Variants in POLR1C observed in about 807,000 individuals in gnomAD.
POLR1C encodes RNA polymerase I and III subunit C.
POLR1C carries 42 observed loss-of-function variants against 38.3 expected under a neutral mutation model. That is an observed-to-expected ratio of 1.10 (90% CI 0.86 to 1.42). The LOEUF (loss-of-function observed/expected upper bound fraction) is 1.42, where lower values mean the gene tolerates loss of function less well. Among genes scored for constraint, POLR1C ranks in the 40% most tolerant of loss-of-function variants. The pLI is 0.00. For synonymous variants in POLR1C, 163 were observed against 163.9 expected (o/e 0.99, Z 0.04); for missense variants, 507 against 450.5 (o/e 1.13, Z -1.14).
exon 11 of POLR1C, chr6:43,561,991 A>G (rs1200408728): frequency 9.7e-6 from 3 of 310,712 alleles, no homozygotes; most frequent in African/African-American, 6.5e-5. Context: ...TTCACAAGAA[A>G]CCAACGTTGA....
downstream of POLR1C, chr6:43,525,359 A>C: frequency 1.4e-6 from 1 of 731,812 alleles, no homozygotes; most frequent in Admixed American, 2.7e-5. Context: ...GCTGGTCCTG[A>C]ACTCCTGGGC....
At position 43,538,690 on chromosome 6, in the gene POLR1C, C is replaced by T. The variant is rs557327093; in HGVS notation, c.*4+9331C>T. 443 of 422,102 alleles carry T rather than the reference C, an allele frequency of 1.0e-3. 14 individuals carry two copies. The South Asian group carries it at 0.023, about 22-fold the overall frequency. The allele number at this position is 422,102 out of a possible 1,614,324, so 26.1% of individuals were successfully genotyped here. A position where few individuals can be genotyped will look rare whatever the true frequency, so the allele number is the denominator to read the frequency against. On this transcript the variant is annotated intron_variant, in intron 9 of 10. Coordinates refer to the POLR1C transcript ENST00000607635. The stretch of plus-strand genomic sequence containing the variant: ...ACAAGTGATTTAGGCCTATAATTTT[C>T]CTCTTTGGTACTGTTAATGTCTGGT...
At chr6:43,549,440 C>G in intron 9 of POLR1C, 4 of 1,539,338 alleles carry the variant, frequency 2.6e-6, no homozygotes, top group Non-Finnish European at 3.5e-6. Context: ...TGGATTTACA[C>G]ACAAATGTAA....
Position 43,519,701 on chromosome 6 carries a change from G to A in POLR1C, c.250-5G>A. On this transcript the variant is annotated splice_polypyrimidine_tract_variant and splice_region_variant and intron_variant, in intron 3 of 8. Coordinates refer to ENST00000642195, the MANE Select transcript of POLR1C (RefSeq NM_203290.4). ...GCAGATAAGTGGTTATTTTTCCTTGGGCAGGTGCCAACTATGGCTGTGGAG... is the reference window on the plus strand; with the variant it reads ...GCAGATAAGTGGTTATTTTTCCTTGAGCAGGTGCCAACTATGGCTGTGGAG... The A allele has an allele frequency of 1.9e-6, 3 of 1,614,096 alleles. No homozygotes were observed. The highest frequency in any genetic ancestry group is 2.5e-6 in the Non-Finnish European group (3 of 1,180,010).
At chr6:43,554,269 C>T (rs1390121296) in intron 10 of POLR1C, among the ~76,000 whole-genome samples, 1 of 151,856 alleles carries the variant, frequency 6.6e-6, no homozygotes, top group Non-Finnish European at 1.5e-5. Context: ...CCATGCCCGG[C>T]TAATTTTTGT....
At chr6:43,550,002 C>T in intron 9 of POLR1C, 1 of 1,530,104 alleles carries the variant, frequency 6.5e-7, no homozygotes, top group Non-Finnish European at 9.0e-7. Context: ...TGCTATGTTG[C>T]CCAGACTAGA....
chr6:43,521,952 T>C (rs991689207), downstream of POLR1C, among the ~76,000 whole-genome samples: 11 of 152,186 alleles, frequency 7.2e-5, no homozygotes, highest in African/African-American at 2.4e-4. Context: ...CTCCTGAGAA[T>C]TGGCAAATTA....
downstream of POLR1C, chr6:43,531,629 T>C: frequency 6.9e-7 from 1 of 1,454,234 alleles, no homozygotes; most frequent in Admixed American, 1.7e-5. Context: ...GAGTCTCAAT[T>C]GGCCAACACT....
intron 10 of POLR1C, among the ~76,000 whole-genome samples, chr6:43,557,076 C>T (rs1342282759): frequency 1.4e-5 from 2 of 145,956 alleles, no homozygotes; most frequent in South Asian, 2.1e-4. Context: ...TGCAGTGAGC[C>T]GAGAGTGTGT....
At chr6:43,529,140 C>A in intron 8 of POLR1C, 1 of 1,275,730 alleles carries the variant, frequency 7.8e-7, no homozygotes. Context: ...AGCTGCATTT[C>A]CGTCAGGCTG....
intron 8 of POLR1C, chr6:43,527,295 C>T (rs1236205618): frequency 2.4e-5 from 5 of 210,360 alleles, no homozygotes; most frequent in East Asian, 1.2e-4. Context: ...TTTTTTGAGA[C>T]GGAGTTTCAC....
At chr6:43,527,794 C>T (rs1043410101) in intron 8 of POLR1C, 10 of 1,562,664 alleles carry the variant, frequency 6.4e-6, no homozygotes, top group African/African-American at 5.4e-5. Flanking sequence ...AGGAAAGCAG[C>T]GACCCTAATC....
At chr6:43,555,927 T>C (rs371905920) in intron 10 of POLR1C, 77 of 1,613,858 alleles carry the variant, frequency 4.8e-5, no homozygotes, top group Non-Finnish European at 6.4e-5. Context: ...CCAAACGACA[T>C]GCCAACCTCA....
chr6:43,541,425 CAAAA>C (rs908514531), intron 9 of POLR1C, among the ~76,000 whole-genome samples: 1 of 152,118 alleles, frequency 6.6e-6, no homozygotes, highest in Admixed American at 6.5e-5. Context: ...AAAAAACTAA[CAAAA>C]AACATCCCCA....
chr6:43,546,560 T>C (rs770523230), intron 9 of POLR1C: 3 of 1,596,974 alleles, frequency 1.9e-6, no homozygotes, highest in Non-Finnish European at 2.6e-6. Flanking sequence ...AAAGCCATTA[T>C]TCTGACTCAC....
chr6:43,561,998 T>A, exon 11 of POLR1C: 2 of 328,778 alleles, frequency 6.1e-6, no homozygotes, highest in South Asian at 7.5e-5. Flanking sequence ...GAAACCAACG[T>A]TGACTTTATG....
At chr6:43,526,497 A>G, downstream of POLR1C, 1 of 622,088 alleles carries the variant, frequency 1.6e-6, no homozygotes, top group Non-Finnish European at 2.9e-6. Flanking sequence ...AGACAGAGGA[A>G]ACAGCAAGTG....
In POLR1C at chr6:43,557,954, G is replaced by C. The variant is rs1582234613; in HGVS notation, c.*49-3446G>C. On this transcript the variant is annotated intron_variant, in intron 10 of 10. Transcript: ENST00000607635. ...CTACCAAAAATGCAAAATTAGCTGG[G>C]CATGGTGGTGCATGCCTGTAATCCC... 2.0e-5 allele frequency among the ~76,000 whole-genome samples: 3 copies of C among 152,024 alleles called. No homozygotes were observed. The South Asian group carries it at 6.2e-4, about 32-fold the overall frequency.
rs875989826 is a variant in POLR1C, at chr6:43,521,005, AAAG to A, written c.883_885del (p.Lys295del). On this transcript the variant is annotated inframe_deletion, in exon 8 of 9. Coordinates refer to ENST00000642195, the MANE Select transcript of POLR1C (RefSeq NM_203290.4). ...GAGAAATCTTCCGGAATGAGAAGCT[AAAG>A]AAGGTTGTGAGGCTTGCCCGGGTTC... The A allele has an allele frequency of 1.4e-5, 22 of 1,614,068 alleles. No homozygotes were observed. The highest frequency in any genetic ancestry group is 1.6e-5 in the Non-Finnish European group (19 of 1,180,022).
Sources: allele counts gnomAD v4.1 joint callset (sites outside exome capture counted in the v4.1 genomes callset), GRCh38; gene constraint gnomAD v4.1.1; transcripts MANE v1.5; gene names NCBI Gene and HGNC (gene_info 2026-07-23, HGNC 2026-07-21).